Variants in PTPRE observed in about 807,000 individuals in gnomAD.
The protein encoded by PTPRE is receptor-type tyrosine-protein phosphatase epsilon.
Under a neutral mutation model 102.0 loss-of-function variants are expected in PTPRE, and 51 were observed. The observed-to-expected ratio is 0.50, with a 90% CI of 0.40 to 0.63. The LOEUF is 0.63. PTPRE is among the 30% of genes least tolerant of loss of function. PTPRE has a pLI of 0.00. For missense variants in PTPRE, 752 were observed against 915.1 expected (o/e 0.82, Z 2.30); for synonymous variants, 345 against 348.2 (o/e 0.99, Z 0.10).
At chr10:128,026,804 C>T (rs1352886328) in intron 2 of PTPRE, among the ~76,000 whole-genome samples, 5 of 152,266 alleles carry the variant, frequency 3.3e-5, no homozygotes, top group East Asian at 1.9e-4. Context: ...ACCGTGGCTA[C>T]ATCTGAAACA....
chr10:128,078,236 G>C (rs922609682), intron 19 of PTPRE, among the ~76,000 whole-genome samples: 1 of 152,174 alleles, frequency 6.6e-6, no homozygotes, highest in Non-Finnish European at 1.5e-5. Flanking sequence ...TGGGATTGTA[G>C]CCACGCTGGT....
chr10:128,071,482 G>A (rs562952015), intron 15 of PTPRE: 224 of 158,026 alleles, frequency 1.4e-3, no homozygotes, highest in African/African-American at 5.0e-3. Context: ...CTGGCAAGAA[G>A]ACAGGGCCAC....
At chr10:128,015,871 T>C (rs893067047) in intron 2 of PTPRE, among the ~76,000 whole-genome samples, 9 of 152,170 alleles carry the variant, frequency 5.9e-5, no homozygotes, top group Admixed American at 5.9e-4. Context: ...CACATGACTG[T>C]ATGCTGTTCT....
chr10:128,010,599 T>TTCTTTTC (rs1169792042), intron 2 of PTPRE, among the ~76,000 whole-genome samples: 2 of 151,822 alleles, frequency 1.3e-5, no homozygotes, highest in Admixed American at 6.6e-5. Context: ...TTCTTTCCTT[T>TTCTTTTC]TGAGATGGAG....
chr10:127,922,187 G>A (rs1846652376), intron 1 of PTPRE, among the ~76,000 whole-genome samples: 1 of 152,222 alleles, frequency 6.6e-6, no homozygotes, highest in African/African-American at 2.4e-5. Context: ...GAAGCCACAG[G>A]AGCCACCACA....
Position 127,944,496 on chromosome 10 carries a change from A to ATAAG in PTPRE, c.-31+37188_-31+37189insAAGT, listed in dbSNP as rs1187393976. On this transcript the variant is annotated intron_variant, in intron 1 of 20. Transcript: ENST00000254667. This position sits in a 1 kb window ranked among gnomAD's most constrained non-coding sequence, Gnocchi z 4.2. ...GATGGATGGATGGATGGATGGATGG[A>ATAAG]TGGATGGATGGATGGATGGGTGGAT... Among the ~76,000 whole-genome samples the ATAAG allele has an allele frequency of 1.1e-5, 1 of 88,204 alleles. No individual in the cohort carries two copies. The highest frequency in any genetic ancestry group is 4.2e-5 in the African/African-American group (1 of 23,982). The allele number at this position is 88,204 out of a possible 152,430, so 57.9% of individuals were successfully genotyped here.
In PTPRE at chr10:128,077,204, C is replaced by T. The variant is rs12244419; in HGVS notation, c.1726-413C>T. 1.7e-3 allele frequency among the ~76,000 whole-genome samples: 260 copies of T among 152,334 alleles called. 2 individuals are homozygous for T. The highest frequency in any genetic ancestry group is 6.0e-3 in the African/African-American group (248 of 41,572). ...AGTCAGTATCACGTAATGCACCTGCCACTGTCTCCTCCATGCCAGCCACAG... is the reference window on the plus strand; with the variant it reads ...AGTCAGTATCACGTAATGCACCTGCTACTGTCTCCTCCATGCCAGCCACAG... On this transcript the variant is annotated intron_variant, in intron 18 of 20. Coordinates refer to ENST00000254667, the MANE Select transcript of PTPRE (RefSeq NM_006504.6).
chr10:127,972,189 T>G (rs934063836), intron 1 of PTPRE, among the ~76,000 whole-genome samples: 2 of 152,178 alleles, frequency 1.3e-5, no homozygotes, highest in Non-Finnish European at 2.9e-5. Flanking sequence ...CCACTTCCCC[T>G]GACCGCTGCC....
At chr10:127,942,654 G>A (rs1253010174) in intron 1 of PTPRE, among the ~76,000 whole-genome samples, 1 of 152,178 alleles carries the variant, frequency 6.6e-6, no homozygotes, top group East Asian at 1.9e-4. Context: ...ACTCACATGA[G>A]GTCCCTAGAG....
chr10:128,045,946 A>T (rs1848055165), intron 3 of PTPRE, among the ~76,000 whole-genome samples: 1 of 152,066 alleles, frequency 6.6e-6, no homozygotes, highest in Non-Finnish European at 1.5e-5. Flanking sequence ...GGAGGCACGG[A>T]CCCCACCTGG....
Position 128,056,131 on chromosome 10 carries a change from A to G in PTPRE, c.429A>G (p.Pro143=), listed in dbSNP as rs1334602337. The part of the protein sequence containing the change: ...KQFREEFNSL[P]SGHIQGTFEL... ...GCTACATTTTCTTCCAGTCATTGCCATCTGGACACATACAAGGAACTTTTG... is the reference window on the plus strand; with the variant it reads ...GCTACATTTTCTTCCAGTCATTGCCGTCTGGACACATACAAGGAACTTTTG... Residue 143 remains proline, a synonymous_variant, in exon 7 of 21, where the codon CCA becomes CCG. Transcript: ENST00000254667. 6.2e-7 allele frequency: 1 copy of G among 1,610,468 alleles called. No homozygotes were observed. The highest frequency in any genetic ancestry group is 8.5e-7 in the Non-Finnish European group (1 of 1,176,816).
intron 1 of PTPRE, among the ~76,000 whole-genome samples, chr10:127,925,377 GTATGTA>G (rs1846926488): frequency 6.6e-6 from 1 of 152,250 alleles, no homozygotes; most frequent in Non-Finnish European, 1.5e-5. Context: ...TTTCCAAACA[GTATGTA>G]TGGGTGAGGG....
At chr10:128,050,312 G>T (rs1848458190) in intron 6 of PTPRE, among the ~76,000 whole-genome samples, 1 of 148,778 alleles carries the variant, frequency 6.7e-6, no homozygotes, top group Non-Finnish European at 1.5e-5. Flanking sequence ...TGCATGGATG[G>T]ATGGATGAGT....
intron 1 of PTPRE, among the ~76,000 whole-genome samples, chr10:127,980,112 C>T (rs939043776): frequency 1.1e-4 from 17 of 152,098 alleles, no homozygotes; most frequent in Admixed American, 4.6e-4. Flanking sequence ...CTGCAGTGAT[C>T]CTCAAGTAAT....
At chr10:127,923,516 G>A (rs772271945) in intron 1 of PTPRE, among the ~76,000 whole-genome samples, 6 of 145,368 alleles carry the variant, frequency 4.1e-5, no homozygotes, top group Admixed American at 7.1e-5. Flanking sequence ...TGATTCTCCC[G>A]CCTCAGCCTC....
Position 127,942,633 on chromosome 10 carries a change from T to C in PTPRE, c.-31+35324T>C, listed in dbSNP as rs955442715. ...AAGCCAGTTACACACAGACAAATAC[T>C]GTATGATTCCACTCACATGAGGTCC... On this transcript the variant is annotated intron_variant, in intron 1 of 20. Coordinates refer to ENST00000254667, the MANE Select transcript of PTPRE (RefSeq NM_006504.6). Among the ~76,000 whole-genome samples, 55 of 152,174 alleles carry C rather than the reference T, an allele frequency of 3.6e-4. 1 individual carries two copies. Among genetic ancestry groups the C allele is most frequent in the Non-Finnish European group, 7.3e-5 (5 of 68,042 alleles).
chr10:127,929,709 A>C (rs1847278655), intron 1 of PTPRE: 1 of 152,184 alleles, frequency 6.6e-6, no homozygotes, highest in African/African-American at 2.4e-5. Context: ...TTGCACTTTT[A>C]TTTCCAAGTA....
Position 127,987,216 on chromosome 10 carries a change from T to A in PTPRE, c.-8+4920T>A, listed in dbSNP as rs567644932. 1.3e-4 allele frequency: 95 copies of A among 713,816 alleles called. No individual in the cohort carries two copies. In the African/African-American group the frequency reaches 1.7e-3, roughly 13 times the overall value. The allele number at this position is 713,816 out of a possible 1,614,324, so 44.2% of individuals were successfully genotyped here. On this transcript the variant is annotated intron_variant, in intron 2 of 20. Coordinates refer to ENST00000254667, the MANE Select transcript of PTPRE (RefSeq NM_006504.6). ...AGGCATGGGCGTTAATCAGTCACAG[T>A]TTCCCCTAAGAGGAAATAGGAACAC...
At chr10:127,923,949 A>C (rs1846814943) in intron 1 of PTPRE, among the ~76,000 whole-genome samples, 1 of 152,154 alleles carries the variant, frequency 6.6e-6, no homozygotes, top group Non-Finnish European at 1.5e-5. Flanking sequence ...TGATGTTCCC[A>C]CAGAAGGCTT....
Sources: gnomAD v4.1 joint callset for allele counts (sites outside exome capture counted in the v4.1 genomes callset) on GRCh38, gnomAD v4.1.1 for gene constraint, Gnocchi (gnomAD v3.1) non-coding constraint, MANE v1.5 for transcripts, NCBI Gene and HGNC (gene_info 2026-07-23, HGNC 2026-07-21) for gene names.